The following DGCR2 variants were observed in gnomAD, a reference collection of about 807,000 sequenced individuals.
DGCR2 encodes the protein integral membrane protein DGCR2/IDD.
Under a neutral mutation model 51.6 loss-of-function variants are expected in DGCR2, and 24 were observed. That is an observed-to-expected ratio of 0.47 (90% CI 0.34 to 0.65). The LOEUF (loss-of-function observed/expected upper bound fraction) is 0.65, where lower values mean the gene tolerates loss of function less well. Among genes scored for constraint, DGCR2 ranks in the 30% least tolerant of loss-of-function variants. The pLI is 0.01. For synonymous variants in DGCR2, 340 were observed against 315.4 expected (o/e 1.08, Z -0.82); for missense variants, 765 against 772.1 (o/e 0.99, Z 0.11).
At chr22:19,118,544 G>A (rs2083397783) in intron 1 of DGCR2, among the ~76,000 whole-genome samples, 1 of 152,074 alleles carries the variant, frequency 6.6e-6, no homozygotes, top group Non-Finnish European at 1.5e-5. Flanking sequence ...CCCACGCTCT[G>A]CTGCTCACCA....
chr22:19,122,008 G>C, intron 1 of DGCR2, 120 bp downstream of exon 1: 58 of 469,662 alleles, frequency 1.2e-4, no homozygotes, highest in South Asian at 4.0e-4. Flanking sequence ...GCCAGGCCCC[G>C]CCCGCCCCTG....
At chr22:19,056,369 G>A (rs1395464083) in intron 6 of DGCR2, 5 of 336,616 alleles carry the variant, frequency 1.5e-5, no homozygotes, top group Non-Finnish European at 2.2e-5. Flanking sequence ...CACCATGCTC[G>A]GCAACATCAC....
At chr22:19,051,061 T>A (rs1020962862) in intron 6 of DGCR2, among the ~76,000 whole-genome samples, 1 of 151,710 alleles carries the variant, frequency 6.6e-6, no homozygotes, top group Non-Finnish European at 1.5e-5. Context: ...TGGTGGCTCA[T>A]GTTGGTAATC....
intron 1 of DGCR2, among the ~76,000 whole-genome samples, chr22:19,120,681 G>A (rs2146069633): frequency 6.6e-6 from 1 of 152,296 alleles, no homozygotes; most frequent in South Asian, 2.1e-4. Flanking sequence ...TGAGCCCGGT[G>A]ACCTCATCTG....
chr22:19,042,179 G>A (rs1048328983), intron 7 of DGCR2, among the ~76,000 whole-genome samples: 5 of 152,222 alleles, frequency 3.3e-5, no homozygotes, highest in African/African-American at 1.2e-4. Flanking sequence ...GTCAGGAGGA[G>A]CATCTCACCA....
intron 2 of DGCR2, among the ~76,000 whole-genome samples, chr22:19,083,244 C>G (rs2082961419): frequency 6.6e-6 from 1 of 152,214 alleles, no homozygotes; most frequent in South Asian, 2.1e-4. Context: ...TTTGAAGAGT[C>G]TGCCCTTTGC....
intron 7 of DGCR2, among the ~76,000 whole-genome samples, chr22:19,042,565 A>T (rs956047781): frequency 6.6e-6 from 1 of 152,192 alleles, no homozygotes; most frequent in Non-Finnish European, 1.5e-5. Context: ...AGTGGGGGTG[A>T]CGCCCCTGCG....
chr22:19,091,217 G>A (rs1258722564), intron 1 of DGCR2, among the ~76,000 whole-genome samples: 1 of 152,092 alleles, frequency 6.6e-6, no homozygotes, highest in Non-Finnish European at 1.5e-5. Context: ...AAATTAGCCG[G>A]GTATTGGGAC....
chr22:19,097,218 A>G (rs554949509), intron 1 of DGCR2, among the ~76,000 whole-genome samples: 1 of 152,042 alleles, frequency 6.6e-6, no homozygotes, highest in Admixed American at 6.6e-5. Flanking sequence ...CTTCCTATAT[A>G]TCAGTATATA....
intron 9 of DGCR2, among the ~76,000 whole-genome samples, chr22:19,039,597 G>C (rs1005556327): frequency 6.6e-6 from 1 of 152,206 alleles, no homozygotes; most frequent in Non-Finnish European, 1.5e-5. Context: ...CGGAGTGTGG[G>C]CAACAGGGCT....
At chr22:19,052,414 T>TCACA (rs34670843) in intron 6 of DGCR2, among the ~76,000 whole-genome samples, 37,856 of 148,398 alleles carry the variant, frequency 0.26, 5,426 homozygotes, top group African/African-American at 0.4. Context: ...AGACTCTGTC[T>TCACA]CACACACACA....
intron 5 of DGCR2, chr22:19,060,811 G>A (rs748414516): frequency 1.0e-5 from 5 of 497,194 alleles, no homozygotes; most frequent in Non-Finnish European, 2.0e-5. Context: ...GGCTGGTGTG[G>A]GCCTGGGGGA....
intron 2 of DGCR2, among the ~76,000 whole-genome samples, chr22:19,079,662 C>T (rs1240346935): frequency 6.6e-6 from 1 of 152,226 alleles, no homozygotes; most frequent in Non-Finnish European, 1.5e-5. Flanking sequence ...ACAACAACCC[C>T]AAGTGACAGG....
At chr22:19,063,754 A>G (rs1184324873) in intron 4 of DGCR2, among the ~76,000 whole-genome samples, 4 of 152,158 alleles carry the variant, frequency 2.6e-5, no homozygotes, top group Non-Finnish European at 5.9e-5. Context: ...AACTCTTGCC[A>G]AGACTGTTTC....
intron 5 of DGCR2, among the ~76,000 whole-genome samples, chr22:19,060,117 C>A (rs1041065075): frequency 6.6e-6 from 1 of 152,182 alleles, no homozygotes; most frequent in Non-Finnish European, 1.5e-5. Context: ...CCCAGCTGAC[C>A]CCATCCTAGA....
At chr22:19,100,832 T>C (rs2083193563) in intron 1 of DGCR2, among the ~76,000 whole-genome samples, 1 of 152,162 alleles carries the variant, frequency 6.6e-6, no homozygotes. Context: ...TGGCCAGACA[T>C]AGTGGTTCAC....
At chr22:19,065,822 G>A (rs529654042) in intron 3 of DGCR2, 12 of 152,228 alleles carry the variant, frequency 7.9e-5, no homozygotes, top group Admixed American at 2.0e-4. Context: ...CCTCATATTA[G>A]TACACTGGAG....
At chr22:19,059,039 G>A (rs1335645228) in intron 5 of DGCR2, among the ~76,000 whole-genome samples, 1 of 152,242 alleles carries the variant, frequency 6.6e-6, no homozygotes, top group Non-Finnish European at 1.5e-5. Flanking sequence ...TTCGTCTTTG[G>A]AGCATCCCTG....
chr22:19,043,171 T>C (rs577817432), intron 7 of DGCR2, among the ~76,000 whole-genome samples: 1 of 152,370 alleles, frequency 6.6e-6, no homozygotes, highest in South Asian at 2.1e-4. Context: ...CTGCTGCGCC[T>C]TCCTCTGCTC....
Sources: gnomAD v4.1 joint callset for allele counts (sites outside exome capture counted in the v4.1 genomes callset) on GRCh38, gnomAD v4.1.1 for gene constraint, MANE v1.5 for transcripts, NCBI Gene and HGNC (gene_info 2026-07-23, HGNC 2026-07-21) for gene names.